The following GEMIN2 variants were observed in gnomAD, a reference collection of about 807,000 sequenced individuals.
The protein encoded by GEMIN2 is gem-associated protein 2.
GEMIN2 carries 37 observed loss-of-function variants against 45.8 expected under a neutral mutation model. The observed-to-expected ratio is 0.81, with a 90% CI of 0.62 to 1.06. The LOEUF is 1.06. Ranked by LOEUF, GEMIN2 falls within the 50% of genes least tolerant of loss-of-function variation. The pLI is 0.00. For missense variants in GEMIN2, 335 were observed against 321.8 expected, an observed-to-expected ratio of 1.04 and a Z score of -0.31; for synonymous variants, 101 against 111.5, an observed-to-expected ratio of 0.91 and a Z score of 0.60.
intron 1 of GEMIN2, 81 bp downstream of exon 1, chr14:39,114,556 C>T (rs2052477357): frequency 2.9e-6 from 3 of 1,049,770 alleles, no homozygotes; most frequent in Non-Finnish European, 2.8e-6. Context: ...ATTCCCGTTC[C>T]AGTCTGTTGC....
intron 2 of GEMIN2, 88 bp downstream of exon 2, chr14:39,115,001 A>T (rs1016847750): frequency 2.2e-5 from 16 of 716,950 alleles, no homozygotes; most frequent in Non-Finnish European, 3.3e-5. Flanking sequence ...AGCATCAATT[A>T]TGACGTAAGA....
At chr14:39,114,798 T>G in intron 1 of GEMIN2, 31 bp from the exon 2 acceptor site, 3 of 1,203,956 alleles carry the variant, frequency 2.5e-6, no homozygotes, top group Non-Finnish European at 3.7e-6. Context: ...CAACAGAAAT[T>G]TAATTTATCG....
chr14:39,128,485 C>CTTTTTTTTTTTTT lies in GEMIN2; in HGVS notation c.600+148_600+160dup, dbSNP rs71130820. On this transcript the variant is annotated intron_variant, in intron 7 of 9. Coordinates refer to ENST00000308317, the MANE Select transcript of GEMIN2 (RefSeq NM_003616.3). ...ACTGCACATTTTCTTTTTTTCTTTT[C>CTTTTTTTTTTTTT]TTTTTTTTTTTTTTTTTTTTTTTGA... 92 of 148,484 alleles carry CTTTTTTTTTTTTT rather than the reference C, an allele frequency of 6.2e-4. 1 individual carries two copies. The highest frequency in any genetic ancestry group is 2.9e-3 in the Middle Eastern group (1 of 340). The allele number at this position is 148,484 out of a possible 1,614,324, so 9.2% of individuals were successfully genotyped here. A position where few individuals can be genotyped will look rare whatever the true frequency, so the allele number is the denominator to read the frequency against.
In GEMIN2 at chr14:39,114,349, T is replaced by G. The variant is rs751166722; in HGVS notation, c.11T>G (p.Val4Gly). Residue 4 changes from valine (V) to glycine (G), a missense_variant, in exon 1 of 10, where the codon GTA (valine) becomes GGA (glycine). Physicochemically the swap from Val to Gly is moderately radical, Grantham distance 109. Transcript: ENST00000308317. ...GCTGGTTTGAAAACCATGGCGTGGG[T>G]ACCAGCGGAGTCCGCAGTGGAAGAG... MAW[V>G]PAESAVEELM... 2.5e-6 allele frequency: 4 copies of G among 1,613,782 alleles called. No individual in the cohort carries two copies. In the African/African-American group the frequency reaches 5.3e-5, roughly 22 times the overall value.
chr14:39,127,340 T>G (rs1433941986), intron 6 of GEMIN2, among the ~76,000 whole-genome samples: 3 of 133,086 alleles, frequency 2.3e-5, no homozygotes, highest in Admixed American at 7.5e-5. Context: ...GCCATTGTTT[T>G]TTTTTTTTTT....
chr14:39,126,173 C>T (rs376403459), intron 6 of GEMIN2, among the ~76,000 whole-genome samples: 1 of 150,746 alleles, frequency 6.6e-6, no homozygotes, highest in African/African-American at 2.4e-5. Flanking sequence ...GCATTGGGTA[C>T]CTTTGGAAGC....
chr14:39,124,223 C>G (rs190008239), intron 5 of GEMIN2, among the ~76,000 whole-genome samples: 72 of 152,220 alleles, frequency 4.7e-4, no homozygotes, highest in African/African-American at 1.7e-3. Flanking sequence ...CAGCCTCAGA[C>G]TCCAAAGTAG....
chr14:39,116,995 G>T (rs1051557750), intron 2 of GEMIN2, among the ~76,000 whole-genome samples: 2 of 152,132 alleles, frequency 1.3e-5, no homozygotes, highest in Non-Finnish European at 2.9e-5. Context: ...AAGTATGGCT[G>T]GGCTTAGTGG....
chr14:39,115,456 CTTTTTTTTT>C (rs35142656), intron 2 of GEMIN2, among the ~76,000 whole-genome samples: 54 of 123,840 alleles, frequency 4.4e-4, no homozygotes, highest in Middle Eastern at 4.6e-3. Flanking sequence ...ATGTCTTACA[CTTTTTTTTT>C]TTTTTTTTTT....
At chr14:39,133,318 A>AATAT (rs770940256) in intron 8 of GEMIN2, among the ~76,000 whole-genome samples, 6 of 144,916 alleles carry the variant, frequency 4.1e-5, no homozygotes, top group African/African-American at 1.3e-4. Context: ...AATATATATG[A>AATAT]ATATATATAT....
intron 5 of GEMIN2, chr14:39,122,751 A>C (rs2052589323): frequency 2.6e-6 from 1 of 379,216 alleles, no homozygotes; most frequent in Non-Finnish European, 4.7e-6. Flanking sequence ...CAAAGCCTAA[A>C]ATATTTGCTG....
intron 5 of GEMIN2, among the ~76,000 whole-genome samples, chr14:39,123,835 G>A (rs1262029439): frequency 1.4e-5 from 2 of 142,856 alleles, no homozygotes; most frequent in East Asian, 2.1e-4. Context: ...ATCCTCCCAC[G>A]TCAGCCTTCA....
At chr14:39,136,357 G>C in intron 9 of GEMIN2, 83 bp from the exon 10 acceptor site, 1 of 742,998 alleles carries the variant, frequency 1.3e-6, no homozygotes, top group South Asian at 1.5e-5. Context: ...ATGGACGTTT[G>C]GGTTGCTTAT....
intron 3 of GEMIN2, 140 bp from the exon 4 acceptor site, chr14:39,118,400 A>G (rs534707102): frequency 4.6e-5 from 28 of 610,214 alleles, no homozygotes; most frequent in Non-Finnish European, 7.5e-5. Context: ...TCTGTACCCA[A>G]TACATGGTCT....
Position 39,114,895 on chromosome 14 carries a change from G to T in GEMIN2, c.204G>T (p.Lys68Asn). The T allele has an allele frequency of 6.5e-7, 1 of 1,536,434 alleles. No homozygotes were observed. Among genetic ancestry groups the T allele is most frequent in the Admixed American group, 1.7e-5 (1 of 59,904 alleles). ...TTGACCCAAAGAAGTTGAAAAGGAA[G>T]CAAAGTGTGAATATTTCTGTGAGTT... ...AQIDPKKLKR[K>N]QSVNISLSGC... The change falls in exon 2 of 10, where the codon AAG becomes AAT. Residue 68 changes from lysine to asparagine, a missense_variant. Physicochemically the swap from Lys to Asn is moderately conservative, Grantham distance 94. Coordinates refer to ENST00000308317, the MANE Select transcript of GEMIN2 (RefSeq NM_003616.3).
chr14:39,132,808 AG>A (rs1392637086), intron 8 of GEMIN2, among the ~76,000 whole-genome samples: 1 of 149,886 alleles, frequency 6.7e-6, no homozygotes, highest in Non-Finnish European at 1.5e-5. Flanking sequence ...CCTCCAGAGT[AG>A]CTGAGATTAC....
chr14:39,127,454 G>A (rs563200552), intron 6 of GEMIN2, among the ~76,000 whole-genome samples: 3 of 140,710 alleles, frequency 2.1e-5, no homozygotes, highest in African/African-American at 5.2e-5. Context: ...GGGATTCCCC[G>A]GCCTCAGCCT....
rs546041076 is a variant in GEMIN2 at position 39,128,266 on chromosome 14, CTTT to C, written c.532-5_532-3del. ...TTAATACAACTCTTCTCCACCCCCT[CTTT>C]TTTTTTTTAGGCAACAGTAACTAGT... On this transcript the variant is annotated splice_polypyrimidine_tract_variant and intron_variant, in intron 6 of 9. Transcript: ENST00000308317. 1.4e-5 allele frequency: 16 copies of C among 1,151,622 alleles called. No individual in the cohort carries two copies. Among genetic ancestry groups the C allele is most frequent in the African/African-American group, 4.9e-5 (3 of 61,462 alleles). The allele number at this position is 1,151,622 out of a possible 1,614,324, so 71.3% of individuals were successfully genotyped here.
chr14:39,128,187 G>A (rs953557918), intron 6 of GEMIN2, 93 bp from the exon 7 acceptor site: 1 of 721,116 alleles, frequency 1.4e-6, no homozygotes, highest in Non-Finnish European at 2.4e-6. Context: ...TTTAACATCA[G>A]AGTTGCTTTC....
Sources: gnomAD v4.1 joint callset for allele counts (sites outside exome capture counted in the v4.1 genomes callset) on GRCh38, gnomAD v4.1.1 for gene constraint, MANE v1.5 for transcripts, NCBI Gene and HGNC (gene_info 2026-07-23, HGNC 2026-07-21) for gene names.